The following MYO7B variants were observed in gnomAD, a reference collection of about 807,000 sequenced individuals.
MYO7B encodes myosin VIIB, also known as unconventional myosin-VIIb.
In MYO7B, 212 loss-of-function variants were observed where a neutral mutation model predicts 259.7. That is an observed-to-expected ratio of 0.82 (90% confidence interval 0.73 to 0.91). The LOEUF is 0.91. Ranked by LOEUF, MYO7B falls within the 40% of genes least tolerant of loss-of-function variation. MYO7B has a pLI of 0.00. For synonymous variants in MYO7B, 1,197 were observed against 1,166.4 expected (o/e 1.03, Z -0.54); for missense variants, 2,732 against 2,813.5 (o/e 0.97, Z 0.66).
Position 127,584,641 on chromosome 2 carries a change from T to G in MYO7B, c.1555-137T>G. On this transcript the variant is annotated intron_variant, in intron 13 of 47. Coordinates refer to ENST00000409816, the MANE Select transcript of MYO7B (RefSeq NM_001393586.1). The surrounding 1 kb of genome is among the most constrained non-coding windows in gnomAD (Gnocchi z 5.8). ...GCAACAAGTCACTGACCCCTGGGCA[T>G]TAGTTTCCTGTCTGTACAAAGGCCC... 3.7e-6 allele frequency: 4 copies of G among 1,069,058 alleles called. No individual in the cohort carries two copies. Among genetic ancestry groups the G allele is most frequent in the Non-Finnish European group, 5.3e-6 (4 of 747,808 alleles). 66.2% of individuals were successfully genotyped at this position (1,069,058 alleles called of 1,614,324 possible).
chr2:127,608,875 T>C lies in MYO7B; in HGVS notation c.2811T>C (p.Phe937=). 6.2e-7 allele frequency: 1 copy of C among 1,611,482 alleles called. No individual in the cohort carries two copies. The highest frequency in any genetic ancestry group is 8.5e-7 in the Non-Finnish European group (1 of 1,179,130). The change falls in exon 22 of 48, where the codon TTT becomes TTC. Residue 937 remains phenylalanine, a synonymous_variant. Transcript: ENST00000409816. The stretch of plus-strand genomic sequence containing the variant: ...AGGAGGGCCAGGCCTCGCCGCACTT[T>C]GAGGTAACACAAGCCTGGTGTCCAC... ...GGQEGQASPH[F]EDLESKTQKL... is the part of the protein sequence containing the mutation.
intron 15 of MYO7B, 118 bp from the exon 16 acceptor site, chr2:127,589,974 A>T: frequency 8.9e-7 from 1 of 1,129,016 alleles, no homozygotes; most frequent in Non-Finnish European, 1.3e-6. Context: ...ATTCTTGAAT[A>T]GGTAGATGCA....
chr2:127,562,443 C>T (rs1573623364), intron 2 of MYO7B, among the ~76,000 whole-genome samples: 2 of 151,428 alleles, frequency 1.3e-5, no homozygotes, highest in African/African-American at 4.8e-5. Context: ...ATTACAGGCG[C>T]CCACCACCAC....
chr2:127,636,758 G>C lies in MYO7B; in HGVS notation c.6208-36G>C, dbSNP rs1234299620. ...CTAACACACACAGAGCCCGTGCTCT[G>C]GAGGCGTCCGGCCCACCCACCCTCT... On this transcript the variant is annotated intron_variant, in intron 46 of 47. Coordinates refer to ENST00000409816, the MANE Select transcript of MYO7B (RefSeq NM_001393586.1). The surrounding 1 kb of genome is among the most constrained non-coding windows in gnomAD (Gnocchi z 4.5). 6.2e-7 allele frequency: 1 copy of C among 1,612,494 alleles called. No individual in the cohort carries two copies. The highest frequency in any genetic ancestry group is 1.1e-5 in the South Asian group (1 of 90,992).
intron 1 of MYO7B, among the ~76,000 whole-genome samples, chr2:127,555,288 T>A (rs2104832013): frequency 6.6e-6 from 1 of 152,242 alleles, no homozygotes; most frequent in East Asian, 1.9e-4. Context: ...TCTTGGTTAA[T>A]CTTGTTAATG....
chr2:127,636,552 C>G lies in MYO7B; in HGVS notation c.6131C>G (p.Ser2044Trp). The change falls in exon 46 of 48, where the codon TCG becomes TGG. Residue 2044 changes from serine (S) to tryptophan (W), a missense_variant. Ser to Trp is a radical substitution (Grantham distance 177). Coordinates refer to ENST00000409816, the MANE Select transcript of MYO7B (RefSeq NM_001393586.1). The surrounding 1 kb of genome is among the most constrained non-coding windows in gnomAD (Gnocchi z 4.5). ...GSAFFEVKQT[S>W]EPSYPDVILI... ...CGTGTCCCTCCCTCCCAGCAAACCTCGGAGCCTTCCTACCCGGACGTCATC... is the reference window on the plus strand; with the variant it reads ...CGTGTCCCTCCCTCCCAGCAAACCTGGGAGCCTTCCTACCCGGACGTCATC... 2 of 1,610,678 alleles carry G rather than the reference C, an allele frequency of 1.2e-6. No homozygotes were observed. The highest frequency in any genetic ancestry group is 8.5e-7 in the Non-Finnish European group (1 of 1,178,524).
intron 34 of MYO7B, among the ~76,000 whole-genome samples, 200 bp from the exon 35 acceptor site, chr2:127,629,445 C>T (rs781684183): frequency 1.2e-4 from 19 of 152,140 alleles, no homozygotes; most frequent in Non-Finnish European, 2.2e-4. Context: ...ACCCTGGGCT[C>T]TGTGCCTGTG....
Position 127,625,367 on chromosome 2 carries a change from G to A in MYO7B, c.4048-1G>A. 6.4e-7 allele frequency: 1 copy of A among 1,568,246 alleles called. No individual in the cohort carries two copies. Among genetic ancestry groups the A allele is most frequent in the South Asian group, 1.2e-5 (1 of 84,420 alleles). ...CCCCGTGGGTGCCCTGGGCTGTGCAGGAGGAAGAGCTGGTTGAGCTGCTGG... is the reference window on the plus strand; with the variant it reads ...CCCCGTGGGTGCCCTGGGCTGTGCAAGAGGAAGAGCTGGTTGAGCTGCTGG... On this transcript the variant is annotated splice_acceptor_variant, in intron 30 of 47. Transcript: ENST00000409816. LOFTEE classifies it high-confidence loss of function.
chr2:127,542,220 C>G (rs897219568), intron 1 of MYO7B, among the ~76,000 whole-genome samples: 3 of 152,204 alleles, frequency 2.0e-5, no homozygotes, highest in Non-Finnish European at 2.9e-5. Flanking sequence ...AGACTCCCTT[C>G]CAGAAGAGGG....
At position 127,634,610 on chromosome 2, in the gene MYO7B, G is replaced by A; in HGVS notation, c.5640G>A (p.Lys1880=). 1 of 1,612,482 alleles carries A rather than the reference G, an allele frequency of 6.2e-7. No individual in the cohort carries two copies. The highest frequency in any genetic ancestry group is 8.5e-7 in the Non-Finnish European group (1 of 1,179,312). The change falls in exon 42 of 48, where the codon AAG becomes AAA. Residue 1880 remains lysine, a synonymous_variant. Transcript: ENST00000409816. ...IKISDKVISQ[K]EGDFFFDSLR... ...CCCTTCCCCAGGTCATCAGCCAGAA[G>A]GAGGGAGACTTCTTCTTTGATTCCT...
chr2:127,617,039 T>G (rs1680596166), intron 26 of MYO7B, among the ~76,000 whole-genome samples: 1 of 152,206 alleles, frequency 6.6e-6, no homozygotes, highest in Admixed American at 6.5e-5. Context: ...CTTGGCTTCT[T>G]TTAGATCTGT....
intron 1 of MYO7B, among the ~76,000 whole-genome samples, chr2:127,549,009 G>A (rs1443833464): frequency 6.6e-6 from 1 of 152,084 alleles, no homozygotes; most frequent in African/African-American, 2.4e-5. Flanking sequence ...TAATTGTCAT[G>A]TCTTCTTTGA....
intron 19 of MYO7B, 116 bp from the exon 20 acceptor site, chr2:127,605,728 A>G: frequency 1.2e-6 from 1 of 842,820 alleles, no homozygotes; most frequent in Non-Finnish European, 1.9e-6. Context: ...GATTGTACGT[A>G]TTCATTTTTC....
chr2:127,635,599 T>A, intron 43 of MYO7B, 123 bp from the exon 44 acceptor site: 1 of 1,077,136 alleles, frequency 9.3e-7, no homozygotes, highest in Non-Finnish European at 1.3e-6. Context: ...CTCTCTACCC[T>A]GCTCAGTCCG....
chr2:127,589,719 C>T (rs1418987044), intron 15 of MYO7B, among the ~76,000 whole-genome samples: 10 of 75,666 alleles, frequency 1.3e-4, no homozygotes, highest in African/African-American at 3.1e-4. Context: ...GATGGATGGG[C>T]GGGTGGCTAT....
chr2:127,610,701 A>C (rs1680351097), intron 24 of MYO7B, among the ~76,000 whole-genome samples: 1 of 152,244 alleles, frequency 6.6e-6, no homozygotes, highest in South Asian at 2.1e-4. Context: ...GCAGGAGCCC[A>C]TGACTGCCCC....
rs1436028103 is a variant in MYO7B at position 127,617,548 on chromosome 2, T to C, written c.3399-2792T>C. Among the ~76,000 whole-genome samples, 3 of 122,728 alleles carry C rather than the reference T, an allele frequency of 2.4e-5. No individual in the cohort carries two copies. In the Admixed American group the frequency reaches 2.8e-4, roughly 12 times the overall value. The allele number at this position is 122,728 out of a possible 152,430, so 80.5% of individuals were successfully genotyped here. ...TCTCGCTCTGTCGCCCAGGCCAGACTGCGGACTGCAGTGGCGCCATCTCGG... is the reference window on the plus strand; with the variant it reads ...TCTCGCTCTGTCGCCCAGGCCAGACCGCGGACTGCAGTGGCGCCATCTCGG... On this transcript the variant is annotated intron_variant, in intron 26 of 47. Coordinates refer to ENST00000409816, the MANE Select transcript of MYO7B (RefSeq NM_001393586.1).
chr2:127,630,983 C>T (rs1197304497), intron 36 of MYO7B, 75 bp downstream of exon 36: 11 of 1,451,018 alleles, frequency 7.6e-6, no homozygotes, highest in Non-Finnish European at 1.0e-5. Context: ...ACCCCCTGCT[C>T]CCAGCCCCGC....
rs532100223 is a variant in MYO7B at position 127,593,433 on chromosome 2, C to T, written c.2146-113C>T. ...GTGCCTGTGCCTGGGCGGGGGTGGG[C>T]GGCAGCCCCTGATGGGGGAGCCTGT... On this transcript the variant is annotated intron_variant, in intron 17 of 47. Coordinates refer to ENST00000409816, the MANE Select transcript of MYO7B (RefSeq NM_001393586.1). 237 of 1,049,182 alleles carry T rather than the reference C, an allele frequency of 2.3e-4. 4 individuals are homozygous for T. The East Asian group carries it at 5.8e-3, about 26-fold the overall frequency. 65.0% of individuals were successfully genotyped at this position (1,049,182 alleles called of 1,614,324 possible). A position where few individuals can be genotyped will look rare whatever the true frequency, so the allele number is the denominator to read the frequency against.
Sources: gnomAD v4.1 joint callset for allele counts (sites outside exome capture counted in the v4.1 genomes callset) on GRCh38, gnomAD v4.1.1 for gene constraint, Gnocchi (gnomAD v3.1) non-coding constraint, MANE v1.5 for transcripts, NCBI Gene and HGNC (gene_info 2026-07-23, HGNC 2026-07-21) for gene names.